Variants in DGKI observed in about 807,000 individuals in gnomAD.
DGKI encodes the protein diacylglycerol kinase iota, also known as DAG kinase iota.
DGKI carries 55 observed loss-of-function variants against 147.5 expected under a neutral mutation model. The observed-to-expected ratio is 0.37, with a 90% confidence interval of 0.30 to 0.47. The LOEUF (loss-of-function observed/expected upper bound fraction) is 0.47, where lower values mean the gene tolerates loss of function less well. Ranked by LOEUF, DGKI falls within the 20% of genes least tolerant of loss-of-function variation. The pLI is 1.00. For missense variants in DGKI, 1,007 were observed against 1,323.8 expected, an observed-to-expected ratio of 0.76 and a Z score of 3.71; for synonymous variants, 469 against 477.1, an observed-to-expected ratio of 0.98 and a Z score of 0.22.
intron 1 of DGKI, among the ~76,000 whole-genome samples, chr7:137,829,989 G>A (rs1196587667): frequency 1.3e-5 from 2 of 152,122 alleles, no homozygotes; most frequent in Non-Finnish European, 2.9e-5. Flanking sequence ...ATGAGAGAGA[G>A]AGGGAAGGAG....
At chr7:137,722,047 G>A in intron 1 of DGKI, 1 of 1,594,684 alleles carries the variant, frequency 6.3e-7, no homozygotes, top group Non-Finnish European at 8.5e-7. Context: ...AGCCAAGAAG[G>A]CTGATGCTGG....
chr7:137,540,765 A>C (rs1817668221), intron 20 of DGKI, among the ~76,000 whole-genome samples: 3 of 95,844 alleles, frequency 3.1e-5, no homozygotes, highest in South Asian at 4.0e-4. Flanking sequence ...ACCCCCCCAA[A>C]AAAAAAAAAA....
chr7:137,794,002 C>T (rs1267800010), intron 1 of DGKI, among the ~76,000 whole-genome samples: 1 of 152,132 alleles, frequency 6.6e-6, no homozygotes, highest in East Asian at 1.9e-4. Flanking sequence ...TATATAAACC[C>T]TCACCTTGAG....
At chr7:137,422,437 G>C (rs1256427950) in intron 28 of DGKI, among the ~76,000 whole-genome samples, 3 of 152,036 alleles carry the variant, frequency 2.0e-5, no homozygotes, top group East Asian at 3.9e-4. Context: ...ACCATCTAAA[G>C]TAATATACAG....
chr7:137,413,244 C>CGACA (rs1236496051), intron 28 of DGKI, among the ~76,000 whole-genome samples: 1 of 129,810 alleles, frequency 7.7e-6, no homozygotes, highest in Non-Finnish European at 1.5e-5. Context: ...CCTGCCCAGG[C>CGACA]GACAGAGTGA....
intron 28 of DGKI, among the ~76,000 whole-genome samples, chr7:137,418,854 T>C (rs974848307): frequency 6.6e-6 from 1 of 152,228 alleles, no homozygotes; most frequent in African/African-American, 2.4e-5. Flanking sequence ...TGCCAAGTTC[T>C]GTGAACTTTT....
chr7:137,462,966 T>C (rs537275679), intron 27 of DGKI, among the ~76,000 whole-genome samples: 4 of 143,604 alleles, frequency 2.8e-5, no homozygotes, highest in African/African-American at 9.8e-5. Context: ...ACAAATGCTG[T>C]ACTGCTTACC....
chr7:137,582,375 T>C (rs1819229751), intron 14 of DGKI, among the ~76,000 whole-genome samples: 1 of 151,964 alleles, frequency 6.6e-6, no homozygotes, highest in Admixed American at 6.6e-5. Context: ...AATACTGTAA[T>C]GTAAAATGAA....
intron 17 of DGKI, 64 bp from the exon 18 acceptor site, chr7:137,572,902 T>A: frequency 8.0e-7 from 1 of 1,244,642 alleles, no homozygotes; most frequent in East Asian, 2.3e-5. Flanking sequence ...CTATGAAAGA[T>A]AACTAGTTTG....
At chr7:137,623,606 G>T (rs756903230) in intron 6 of DGKI, 52 bp from the exon 7 acceptor site, 1 of 1,513,150 alleles carries the variant, frequency 6.6e-7, no homozygotes, top group Non-Finnish European at 9.2e-7. Flanking sequence ...CAGTTACAGC[G>T]CACATTTGCC....
chr7:137,688,933 G>C (rs1384027085), intron 2 of DGKI, among the ~76,000 whole-genome samples: 6 of 152,084 alleles, frequency 3.9e-5, no homozygotes, highest in African/African-American at 1.4e-4. Context: ...CTTTTGCCAG[G>C]CACTTCATAA....
At chr7:137,748,509 CTATT>C (rs772843758) in intron 1 of DGKI, among the ~76,000 whole-genome samples, 26 of 152,148 alleles carry the variant, frequency 1.7e-4, no homozygotes, top group Admixed American at 6.5e-4. Flanking sequence ...CATCCTACAA[CTATT>C]TATTGAGTCC....
At chr7:137,820,734 T>C (rs1285127736) in intron 1 of DGKI, among the ~76,000 whole-genome samples, 2 of 151,950 alleles carry the variant, frequency 1.3e-5, no homozygotes, top group African/African-American at 2.4e-5. Context: ...TCATGGCCTC[T>C]CCTGCTTGCA....
intron 23 of DGKI, among the ~76,000 whole-genome samples, chr7:137,471,350 T>C (rs1814878281): frequency 6.6e-6 from 1 of 152,120 alleles, no homozygotes. Context: ...TGGATGATCT[T>C]GTGTGTACAG....
At chr7:137,631,779 C>G (rs1287129498) in intron 6 of DGKI, among the ~76,000 whole-genome samples, 2 of 152,074 alleles carry the variant, frequency 1.3e-5, no homozygotes, top group African/African-American at 4.8e-5. Flanking sequence ...GCCTGAATTG[C>G]TGTGACAGAG....
At chr7:137,441,750 T>A (rs76164371) in intron 28 of DGKI, among the ~76,000 whole-genome samples, 2,627 of 152,256 alleles carry the variant, frequency 0.017, 78 homozygotes, top group African/African-American at 0.06. Context: ...TCAAGAGACG[T>A]AAGGTTTTAT....
At chr7:137,809,452 AGTAT>A (rs1797491748) in intron 1 of DGKI, among the ~76,000 whole-genome samples, 1 of 152,202 alleles carries the variant, frequency 6.6e-6, no homozygotes, top group Non-Finnish European at 1.5e-5. Flanking sequence ...TTAAGAGACT[AGTAT>A]TTTGCCACCA....
At chr7:137,568,282 A>C (rs1413322337) in intron 19 of DGKI, among the ~76,000 whole-genome samples, 1 of 152,054 alleles carries the variant, frequency 6.6e-6, no homozygotes, top group Non-Finnish European at 1.5e-5. Context: ...ATGTTTGTAA[A>C]TTTTCCTTTT....
At chr7:137,484,595 T>C (rs1344423933) in intron 23 of DGKI, among the ~76,000 whole-genome samples, 3 of 151,984 alleles carry the variant, frequency 2.0e-5, no homozygotes, top group Non-Finnish European at 4.4e-5. Flanking sequence ...AGTAATACTG[T>C]GTACTAGGAT....
Sources: allele counts gnomAD v4.1 joint callset (sites outside exome capture counted in the v4.1 genomes callset), GRCh38; gene constraint gnomAD v4.1.1; transcripts MANE v1.5; gene names NCBI Gene and HGNC (gene_info 2026-07-23, HGNC 2026-07-21).